TMEM11: variants seen among roughly 807,000 people sequenced by gnomAD.
TMEM11 encodes the protein transmembrane protein 11, also known as transmembrane protein 11, mitochondrial.
In TMEM11, 1 loss-of-function variant was observed where a neutral mutation model predicts 17.0. That is an observed-to-expected ratio of 0.06 (90% CI 0.02 to 0.28). The LOEUF is 0.28. TMEM11 is among the 10% of genes least tolerant of loss of function. The pLI, the probability that TMEM11 is intolerant of heterozygous loss-of-function variation, is 1.00. For synonymous variants in TMEM11, 122 were observed against 118.1 expected, an observed-to-expected ratio of 1.03 and a Z score of -0.21; for missense variants, 172 against 252.9, an observed-to-expected ratio of 0.68 and a Z score of 2.17.
At chr17:21,210,911 C>T (rs1002995908) in intron 1 of TMEM11, 1 of 1,257,510 alleles carries the variant, frequency 8.0e-7, no homozygotes, top group African/African-American at 1.5e-5. Flanking sequence ...AAAACAGGAA[C>T]TCAAGAGCAC....
intron 1 of TMEM11, chr17:21,213,407 A>C (rs1377001514): frequency 6.6e-6 from 1 of 152,274 alleles, no homozygotes; most frequent in African/African-American, 2.4e-5. Flanking sequence ...ATTCAAATGG[A>C]GGTCCCTGTT....
intron 1 of TMEM11, among the ~76,000 whole-genome samples, chr17:21,199,594 T>C (rs1033337941): frequency 2.0e-5 from 3 of 152,222 alleles, no homozygotes; most frequent in Non-Finnish European, 2.9e-5. Flanking sequence ...TCAGGACAGA[T>C]AATGCTAAGC....
intron 1 of TMEM11, among the ~76,000 whole-genome samples, chr17:21,200,657 T>C (rs1335509951): frequency 6.6e-6 from 1 of 152,212 alleles, no homozygotes; most frequent in African/African-American, 2.4e-5. Context: ...TCTGGAACAC[T>C]GTACCAGGCA....
chr17:21,206,078 A>G (rs1211625222), intron 1 of TMEM11, among the ~76,000 whole-genome samples: 1 of 151,804 alleles, frequency 6.6e-6, no homozygotes, highest in Admixed American at 6.6e-5. Flanking sequence ...CAGAAGTGGA[A>G]CTGCTGGATC....
intron 1 of TMEM11, among the ~76,000 whole-genome samples, chr17:21,203,266 C>T (rs983136614): frequency 9.2e-5 from 14 of 152,310 alleles, no homozygotes; most frequent in African/African-American, 3.1e-4. Context: ...GGAGCTCACC[C>T]GGCCACGACC....
In TMEM11 at chr17:21,198,023, C is replaced by CT; in HGVS notation, c.*300dup. On this transcript the variant is annotated 3_prime_UTR_variant, in exon 2 of 2. Coordinates refer to ENST00000317635, the MANE Select transcript of TMEM11 (RefSeq NM_003876.3). The surrounding 1 kb of genome is among the most constrained non-coding windows in gnomAD (Gnocchi z 6.5). ...CTGGATGGTACAGTTAAACAATAGA[C>CT]TTAAAGACCTCCCCCAAAGCACGTC... 6.0e-6 allele frequency: 2 copies of CT among 331,460 alleles called. No individual in the cohort carries two copies. Among genetic ancestry groups the CT allele is most frequent in the South Asian group, 1.2e-4 (2 of 16,562 alleles). The allele number at this position is 331,460 out of a possible 1,614,324, so 20.5% of individuals were successfully genotyped here.
chr17:21,203,427 G>A (rs905778863), intron 1 of TMEM11, among the ~76,000 whole-genome samples: 1 of 152,176 alleles, frequency 6.6e-6, no homozygotes, highest in African/African-American at 2.4e-5. Context: ...TCAGAAATTC[G>A]TGGCCATGAC....
intron 1 of TMEM11, among the ~76,000 whole-genome samples, chr17:21,208,871 T>C (rs1049716127): frequency 6.6e-6 from 1 of 152,192 alleles, no homozygotes; most frequent in Non-Finnish European, 1.5e-5. Context: ...AAAACAATTA[T>C]GGTTATTAAG....
In TMEM11 at chr17:21,199,328, GAAAA is replaced by G. The variant is rs58031189; in HGVS notation, c.63-492_63-489del. Among the ~76,000 whole-genome samples, 4 of 78,304 alleles carry G rather than the reference GAAAA, an allele frequency of 5.1e-5. No individual in the cohort carries two copies. In the East Asian group the frequency reaches 1.2e-3, roughly 24 times the overall value. 51.4% of individuals were successfully genotyped at this position (78,304 alleles called of 152,430 possible). On this transcript the variant is annotated intron_variant, in intron 1 of 1. Transcript: ENST00000317635. ...GGTGACAGGGCGAGACTCAGTCTCA[GAAAA>G]AAAAAAAAAAAAAAGATATAAAAAG...
rs755082002 is a variant in TMEM11 at position 21,198,685 on chromosome 17, C to T, written c.218G>A (p.Arg73His). 6 of 1,614,128 alleles carry T rather than the reference C, an allele frequency of 3.7e-6. No homozygotes were observed. The highest frequency in any genetic ancestry group is 1.1e-5 in the South Asian group (1 of 91,086). Residue 73 changes from arginine (R) to histidine (H), a missense_variant, in exon 2 of 2, where the codon CGC becomes CAC. Arg to His is a conservative substitution (Grantham distance 29, BLOSUM62 0). This residue lies in a region of TMEM11 where 123 missense variants were observed against 213.6 expected (regional missense o/e 0.58). Transcript: ENST00000317635. The surrounding 1 kb of genome is among the most constrained non-coding windows in gnomAD (Gnocchi z 6.5). The stretch of plus-strand genomic sequence containing the variant: ...CAGGCAGTTGCCCACGGTGATCCAG[C>T]GGGCTGTCTCGTCGCCAATGCGAGT... ...EPTRIGDETARWITVGNCLHK... is the reference protein window; with the variant it reads ...EPTRIGDETAHWITVGNCLHK...
intron 1 of TMEM11, among the ~76,000 whole-genome samples, chr17:21,200,169 G>A (rs1461011403): frequency 2.0e-5 from 3 of 152,246 alleles, no homozygotes; most frequent in African/African-American, 7.2e-5. Flanking sequence ...GTGACCGTGG[G>A]CCAAGCTGCA....
chr17:21,211,541 G>C (rs1051741982), intron 1 of TMEM11, among the ~76,000 whole-genome samples: 7 of 152,240 alleles, frequency 4.6e-5, no homozygotes, highest in African/African-American at 1.4e-4. Context: ...TTCTAGAGCT[G>C]TGGTTCTAGA....
At chr17:21,200,877 G>C (rs1450912697) in intron 1 of TMEM11, among the ~76,000 whole-genome samples, 1 of 152,226 alleles carries the variant, frequency 6.6e-6, no homozygotes, top group African/African-American at 2.4e-5. Flanking sequence ...CGTAATATGG[G>C]AGTGACGAGT....
intron 1 of TMEM11, chr17:21,210,818 C>T: frequency 9.7e-6 from 10 of 1,033,446 alleles, no homozygotes; most frequent in Non-Finnish European, 1.1e-5. Flanking sequence ...AACTTTTAGC[C>T]CCGTGCATCT....
At position 21,198,453 on chromosome 17, in the gene TMEM11, T is replaced by A. The variant is rs780978717; in HGVS notation, c.450A>T (p.Thr150=). The A allele has an allele frequency of 1.2e-6, 2 of 1,613,958 alleles. No individual in the cohort carries two copies. The highest frequency in any genetic ancestry group is 8.5e-7 in the Non-Finnish European group (1 of 1,180,026). Reference sequence around the variant, plus strand: ...GCACCACCGGGGTGGAGGAGGTGAGTGTGTGCAGAGGCAGGCGCGACAGTT... The same window carrying A: ...GCACCACCGGGGTGGAGGAGGTGAGAGTGTGCAGAGGCAGGCGCGACAGTT... The part of the protein sequence containing the change: ...AYKLSRLPLH[T]LTSSTPVVLV... Residue 150 remains threonine, a synonymous_variant, in exon 2 of 2, where the codon ACA becomes ACT. Coordinates refer to ENST00000317635, the MANE Select transcript of TMEM11 (RefSeq NM_003876.3). This position sits in a 1 kb window ranked among gnomAD's most constrained non-coding sequence, Gnocchi z 6.5.
At chr17:21,199,270 T>G (rs1231398034) in intron 1 of TMEM11, among the ~76,000 whole-genome samples, 4 of 137,440 alleles carry the variant, frequency 2.9e-5, no homozygotes, top group Non-Finnish European at 6.0e-5. Context: ...GAGCTTGCAG[T>G]GAGCCGAGAT....
In TMEM11 at chr17:21,198,886, A is replaced by G. The variant is rs1401895558; in HGVS notation, c.63-46T>C. On this transcript the variant is annotated intron_variant, in intron 1 of 1. Transcript: ENST00000317635. This position sits in a 1 kb window ranked among gnomAD's most constrained non-coding sequence, Gnocchi z 6.5. The stretch of plus-strand genomic sequence containing the variant: ...AAAGGGAGAGAGAGAGAGAGACAGG[A>G]TGATTAGGCTGAGGAGCACTTAACT... 6.4e-7 allele frequency: 1 copy of G among 1,566,146 alleles called. No homozygotes were observed. Among genetic ancestry groups the G allele is most frequent in the Non-Finnish European group, 8.7e-7 (1 of 1,154,984 alleles).
At position 21,201,492 on chromosome 17, in the gene TMEM11, T is replaced by C. The variant is rs367644304; in HGVS notation, c.63-2652A>G. The stretch of plus-strand genomic sequence containing the variant: ...CAGGGATGAAATGATGAGCTGTTAC[T>C]GTAAGACTGCACGAGCAGCTTATGA... On this transcript the variant is annotated intron_variant, in intron 1 of 1. Coordinates refer to ENST00000317635, the MANE Select transcript of TMEM11 (RefSeq NM_003876.3). Among the ~76,000 whole-genome samples, 20 of 152,156 alleles carry C rather than the reference T, an allele frequency of 1.3e-4. No homozygotes were observed. The East Asian group carries it at 3.5e-3, about 27-fold the overall frequency.
Position 21,198,393 on chromosome 17 carries a change from C to G in TMEM11, c.510G>C (p.Leu170=). The G allele has an allele frequency of 6.2e-7, 1 of 1,614,252 alleles. No homozygotes were observed. ...VRKDDLHRKR[L]HNTIALAALV... is the part of the protein sequence containing the mutation. ...GGGCGGCCAGTGCTATCGTGTTGTG[C>G]AGTCTCTTTCTGTGCAGGTCGTCCT... Residue 170 remains leucine (L), a synonymous_variant, in exon 2 of 2, where the codon CTG becomes CTC. Transcript: ENST00000317635. This position sits in a 1 kb window ranked among gnomAD's most constrained non-coding sequence, Gnocchi z 6.5.
Sources: gnomAD v4.1 joint callset for allele counts (sites outside exome capture counted in the v4.1 genomes callset) on GRCh38, gnomAD v4.1.1 for gene constraint, gnomAD v4.1.1 regional missense constraint, Gnocchi (gnomAD v3.1) non-coding constraint, MANE v1.5 for transcripts, NCBI Gene and HGNC (gene_info 2026-07-23, HGNC 2026-07-21) for gene names.